The following STON2 variants were observed in gnomAD, a reference collection of about 807,000 sequenced individuals.
STON2 encodes stonin-2.
Under a neutral mutation model 65.7 loss-of-function variants are expected in STON2, and 29 were observed. The observed-to-expected ratio is 0.44, with a 90% CI of 0.33 to 0.60. The LOEUF is 0.60. STON2 is among the 20% of genes least tolerant of loss of function. The pLI is 0.03. For synonymous variants in STON2, 404 were observed against 414.2 expected, an observed-to-expected ratio of 0.98 and a Z score of 0.30; for missense variants, 1,054 against 1,118.1, an observed-to-expected ratio of 0.94 and a Z score of 0.82.
At chr14:81,432,034 T>C (rs180719895) in intron 1 of STON2, among the ~76,000 whole-genome samples, 3 of 152,334 alleles carry the variant, frequency 2.0e-5, no homozygotes, top group Non-Finnish European at 4.4e-5. Flanking sequence ...CAAACAAATA[T>C]TCTAATCTGG....
rs763176286 is a variant in STON2, at chr14:81,261,799, T to C, written c.*6615A>G. 8.5e-6 allele frequency: 13 copies of C among 1,527,460 alleles called. No individual in the cohort carries two copies. In the Admixed American group the frequency reaches 1.5e-4, roughly 17 times the overall value. 94.6% of individuals were successfully genotyped at this position (1,527,460 alleles called of 1,614,324 possible). ...CTTCATGCTCACACCATTGTTCTGA[T>C]AGATGATGCCAGTGGAACTTCCAAA... On this transcript the variant is annotated 3_prime_UTR_variant, in exon 8 of 8. Transcript: ENST00000614646.
Position 81,370,994 on chromosome 14 carries a change from A to C in STON2, c.565T>G (p.Ser189Ala), listed in dbSNP as rs1247219648. The change falls in exon 4 of 8, where the codon TCA becomes GCA. Residue 189 changes from serine (S) to alanine (A), a missense_variant. Physicochemically the swap from Ser to Ala is moderately conservative, Grantham distance 99. Coordinates refer to ENST00000614646, the MANE Select transcript of STON2 (RefSeq NM_001394390.1). ...QTSGQASGADSTDKRTEWQTG... is the reference protein window; with the variant it reads ...QTSGQASGADATDKRTEWQTG... Reference sequence around the variant, plus strand: ...GCTTAGAGCTCCATCTTACCAGTTGAGTCAGCCCCAGAAGCCTGGCCACTC... The same window carrying C: ...GCTTAGAGCTCCATCTTACCAGTTGCGTCAGCCCCAGAAGCCTGGCCACTC... 6.2e-7 allele frequency: 1 copy of C among 1,612,428 alleles called. No individual in the cohort carries two copies. Among genetic ancestry groups the C allele is most frequent in the Non-Finnish European group, 8.5e-7 (1 of 1,179,850 alleles).
chr14:81,295,154 C>T (rs968737259), intron 5 of STON2, among the ~76,000 whole-genome samples: 8 of 152,122 alleles, frequency 5.3e-5, no homozygotes, highest in African/African-American at 1.7e-4. Flanking sequence ...GAAACCCCAT[C>T]TCTACTAAAA....
At chr14:81,338,885 A>C (rs143946095) in intron 4 of STON2, among the ~76,000 whole-genome samples, 3 of 152,344 alleles carry the variant, frequency 2.0e-5, no homozygotes, top group Non-Finnish European at 4.4e-5. Flanking sequence ...ATAAGGAATC[A>C]AGGAAAACTT....
At chr14:81,326,470 C>A (rs1447526079) in intron 4 of STON2, among the ~76,000 whole-genome samples, 2 of 150,994 alleles carry the variant, frequency 1.3e-5, no homozygotes, top group Non-Finnish European at 2.9e-5. Context: ...AAAGTATATA[C>A]CTTGTTATAC....
intron 4 of STON2, among the ~76,000 whole-genome samples, chr14:81,332,162 C>T (rs1455559965): frequency 6.6e-6 from 1 of 152,158 alleles, no homozygotes; most frequent in African/African-American, 2.4e-5. Context: ...CTGTGGGCCT[C>T]CCTGAGCCGC....
intron 3 of STON2, among the ~76,000 whole-genome samples, chr14:81,373,889 AC>A (rs1408672075): frequency 6.6e-6 from 1 of 152,004 alleles, no homozygotes; most frequent in Non-Finnish European, 1.5e-5. Flanking sequence ...ATAGGGGTGT[AC>A]AGCTAAAACT....
rs761025570 is a variant in STON2, at chr14:81,396,135, GT to G, written c.131del (p.Asp44AlafsTer85). 6 of 1,614,030 alleles carry G rather than the reference GT, an allele frequency of 3.7e-6. No homozygotes were observed. The East Asian group carries it at 1.3e-4, about 36-fold the overall frequency. ...EHLPGLSSSP[D>X]QSESSSGENH... Reference sequence around the variant, plus strand: ...TCTCCCCGGAGGAGCTCTCGGACTGGTCTGGGGAAGATGACAGTCCTGGGAG... The same window carrying G: ...TCTCCCCGGAGGAGCTCTCGGACTGGCTGGGGAAGATGACAGTCCTGGGAG... On this transcript the variant is annotated frameshift_variant, in exon 3 of 8. Transcript: ENST00000614646. LOFTEE classifies it high-confidence loss of function.
intron 4 of STON2, among the ~76,000 whole-genome samples, chr14:81,367,962 C>G (rs1354092738): frequency 6.6e-6 from 1 of 152,196 alleles, no homozygotes; most frequent in African/African-American, 2.4e-5. Flanking sequence ...GAACATAATA[C>G]TGTGGGCACA....
At chr14:81,315,892 T>C (rs1326743482) in intron 5 of STON2, among the ~76,000 whole-genome samples, 4 of 152,228 alleles carry the variant, frequency 2.6e-5, no homozygotes, top group Non-Finnish European at 5.9e-5. Flanking sequence ...GACAATATGA[T>C]ATTTACAGCA....
At chr14:81,278,791 A>G in intron 5 of STON2, 52 bp from the exon 6 acceptor site, 2 of 1,395,978 alleles carry the variant, frequency 1.4e-6, no homozygotes, top group Non-Finnish European at 1.9e-6. Flanking sequence ...TCTAGAGGTA[A>G]GGAAAACTGA....
chr14:81,266,745 G>A lies in STON2; in HGVS notation c.*1669C>T. ...CAACATTGAACCTCCATTTCTGTAA[G>A]GAAATATTTCTCTATAAACTACCGT... On this transcript the variant is annotated 3_prime_UTR_variant, in exon 8 of 8. Transcript: ENST00000614646. The A allele has an allele frequency of 1.0e-6, 1 of 985,254 alleles. No individual in the cohort carries two copies. Among genetic ancestry groups the A allele is most frequent in the Non-Finnish European group, 1.2e-6 (1 of 829,886 alleles). 61.0% of individuals were successfully genotyped at this position (985,254 alleles called of 1,614,324 possible).
chr14:81,304,214 C>T (rs2140191418), intron 5 of STON2, among the ~76,000 whole-genome samples: 1 of 152,288 alleles, frequency 6.6e-6, no homozygotes, highest in Middle Eastern at 3.4e-3. Flanking sequence ...TTCCCCCACA[C>T]ACCTATTATG....
chr14:81,263,309 C>T lies in STON2; in HGVS notation c.*5105G>A, dbSNP rs1894222655. On this transcript the variant is annotated 3_prime_UTR_variant, in exon 8 of 8. Coordinates refer to ENST00000614646, the MANE Select transcript of STON2 (RefSeq NM_001394390.1). Reference sequence around the variant, plus strand: ...ATCCTAGCACTCTGGGAGGCTAAGGCGGGTGGATCACCTGAGCTCAGAAGT... The same window carrying T: ...ATCCTAGCACTCTGGGAGGCTAAGGTGGGTGGATCACCTGAGCTCAGAAGT... The T allele has an allele frequency of 8.3e-6, 2 of 241,488 alleles. No individual in the cohort carries two copies. The highest frequency in any genetic ancestry group is 1.5e-4 in the South Asian group (1 of 6,628). The allele number at this position is 241,488 out of a possible 1,614,324, so 15.0% of individuals were successfully genotyped here.
intron 4 of STON2, among the ~76,000 whole-genome samples, 179 bp from the exon 5 acceptor site, chr14:81,324,366 A>T (rs1896932095): frequency 6.6e-6 from 1 of 152,254 alleles, no homozygotes; most frequent in Admixed American, 6.5e-5. Context: ...CTTTAAGCTC[A>T]GTCTGCATGG....
intron 4 of STON2, among the ~76,000 whole-genome samples, chr14:81,334,012 C>G (rs1897293003): frequency 6.6e-6 from 1 of 152,206 alleles, no homozygotes; most frequent in African/African-American, 2.4e-5. Context: ...AGAGGCTCAA[C>G]CCTGAGACAG....
intron 4 of STON2, among the ~76,000 whole-genome samples, chr14:81,335,398 C>T (rs1353400497): frequency 6.6e-6 from 1 of 152,176 alleles, no homozygotes; most frequent in African/African-American, 2.4e-5. Flanking sequence ...TTTCCCCACT[C>T]CAAACACTTC....
intron 6 of STON2, among the ~76,000 whole-genome samples, chr14:81,276,385 C>T (rs1414646854): frequency 8.0e-6 from 1 of 124,602 alleles, no homozygotes; most frequent in African/African-American, 2.5e-5. Flanking sequence ...TCCCATCCCC[C>T]AGTCCCAGAG....
chr14:81,414,969 C>T (rs1449296531), intron 2 of STON2, among the ~76,000 whole-genome samples: 1 of 152,068 alleles, frequency 6.6e-6, no homozygotes, highest in East Asian at 1.9e-4. Flanking sequence ...CATCAAATGG[C>T]AGAATGTGGA....
Sources: allele counts gnomAD v4.1 joint callset (sites outside exome capture counted in the v4.1 genomes callset), GRCh38; gene constraint gnomAD v4.1.1; transcripts MANE v1.5; gene names NCBI Gene and HGNC (gene_info 2026-07-23, HGNC 2026-07-21).